CSMD1: variants seen among roughly 807,000 people sequenced by gnomAD.
The protein encoded by CSMD1 is CUB and sushi domain-containing protein 1.
Under a neutral mutation model 417.5 loss-of-function variants are expected in CSMD1, and 213 were observed. The ratio of observed to expected loss-of-function variants is 0.51; its 90% CI spans 0.46 to 0.57. CSMD1 has a LOEUF of 0.57. Among genes scored for constraint, CSMD1 ranks in the 20% least tolerant of loss-of-function variants. The probability of loss-of-function intolerance (pLI) is 0.00; values close to 1 mark genes in which losing one functional copy is unlikely to be tolerated. For synonymous variants in CSMD1, 2,862 were observed against 1,736.8 expected, an observed-to-expected ratio of 1.65 and a Z score of -16.11; for missense variants, 6,923 against 4,529.7, an observed-to-expected ratio of 1.53 and a Z score of -15.17.
chr8:4,612,385 C>G (rs1027497877), intron 2 of CSMD1, among the ~76,000 whole-genome samples: 1 of 152,058 alleles, frequency 6.6e-6, no homozygotes, highest in East Asian at 1.9e-4. Flanking sequence ...TCCAATCGTA[C>G]AAGTCTACAC....
intron 3 of CSMD1, among the ~76,000 whole-genome samples, chr8:4,048,845 T>A (rs750257768): frequency 6.6e-6 from 1 of 152,240 alleles, no homozygotes; most frequent in Non-Finnish European, 1.5e-5. Flanking sequence ...CTTAGAAGCC[T>A]GTGTTCAATA....
At chr8:4,233,205 T>G (rs1224884690) in intron 3 of CSMD1, among the ~76,000 whole-genome samples, 1 of 152,192 alleles carries the variant, frequency 6.6e-6, no homozygotes, top group Admixed American at 6.5e-5. Context: ...ATCATTTTCT[T>G]CAATTTTTTC....
In CSMD1 at chr8:3,763,672, G is replaced by C. The variant is rs1290078047; in HGVS notation, c.819-9630C>G. Among the ~76,000 whole-genome samples, 3 of 152,224 alleles carry C rather than the reference G, an allele frequency of 2.0e-5. 1 individual carries two copies. The South Asian group carries it at 6.2e-4, about 32-fold the overall frequency. ...CCTATATAGCACTGCAAAACACACT[G>C]ACACAAGTGCCTTTGTGGCTAAACA... On this transcript the variant is annotated intron_variant, in intron 5 of 69. Transcript: ENST00000635120.
intron 5 of CSMD1, among the ~76,000 whole-genome samples, chr8:3,927,963 T>C (rs1809865083): frequency 6.6e-6 from 1 of 152,180 alleles, no homozygotes. Context: ...CTTAAGTTCA[T>C]TTAACATAAT....
intron 21 of CSMD1, among the ~76,000 whole-genome samples, chr8:3,349,661 A>T (rs1320110098): frequency 1.3e-5 from 2 of 150,766 alleles, no homozygotes; most frequent in African/African-American, 4.9e-5. Context: ...GTATAATTAT[A>T]ATTCTGTAAA....
chr8:4,918,849 T>C (rs1196933700), intron 1 of CSMD1, among the ~76,000 whole-genome samples: 1 of 152,210 alleles, frequency 6.6e-6, no homozygotes, highest in Non-Finnish European at 1.5e-5. Flanking sequence ...ATATTGTTCA[T>C]ATAATCACCA....
intron 3 of CSMD1, among the ~76,000 whole-genome samples, chr8:4,249,243 A>G (rs1802901101): frequency 1.3e-5 from 2 of 152,218 alleles, no homozygotes; most frequent in Non-Finnish European, 1.5e-5. Flanking sequence ...AGAAAAGGGC[A>G]AACATTTCTC....
intron 6 of CSMD1, among the ~76,000 whole-genome samples, chr8:3,751,559 C>T (rs778811696): frequency 3.4e-4 from 51 of 149,946 alleles, no homozygotes; most frequent in Non-Finnish European, 5.8e-4. Context: ...GTATAACGTA[C>T]GTACAGTTTA....
intron 2 of CSMD1, among the ~76,000 whole-genome samples, chr8:4,464,148 C>T (rs566509951): frequency 1.3e-5 from 2 of 152,126 alleles, no homozygotes; most frequent in Admixed American, 1.3e-4. Flanking sequence ...ATCCCTCCAG[C>T]TGGAATTCTA....
At chr8:4,100,754 A>T (rs1255428622) in intron 3 of CSMD1, among the ~76,000 whole-genome samples, 2 of 152,210 alleles carry the variant, frequency 1.3e-5, no homozygotes, top group African/African-American at 4.8e-5. Flanking sequence ...GCAGGGGACT[A>T]CATAAATGAA....
chr8:4,009,523 T>A (rs1387252791), intron 4 of CSMD1, among the ~76,000 whole-genome samples: 1 of 152,256 alleles, frequency 6.6e-6, no homozygotes, highest in African/African-American at 2.4e-5. Context: ...ATTCCTTCAG[T>A]GAATTTCTAA....
chr8:4,992,308 A>T (rs562486243), intron 1 of CSMD1, among the ~76,000 whole-genome samples: 1 of 152,228 alleles, frequency 6.6e-6, no homozygotes, highest in South Asian at 2.1e-4. Flanking sequence ...ACGTGTGCGG[A>T]TTATTAAGCA....
chr8:3,845,381 G>T (rs1170309873), intron 5 of CSMD1, among the ~76,000 whole-genome samples: 1 of 152,140 alleles, frequency 6.6e-6, no homozygotes, highest in Non-Finnish European at 1.5e-5. Flanking sequence ...GCATGGGACT[G>T]CCCTGAATAC....
intron 26 of CSMD1, among the ~76,000 whole-genome samples, chr8:3,246,730 C>T (rs996501461): frequency 6.6e-6 from 1 of 152,204 alleles, no homozygotes; most frequent in Non-Finnish European, 1.5e-5. Context: ...GCCTTGGCAT[C>T]CCAAAGTGCT....
chr8:3,679,665 G>C (rs1004782713), intron 7 of CSMD1, among the ~76,000 whole-genome samples: 20 of 152,014 alleles, frequency 1.3e-4, no homozygotes, highest in South Asian at 6.2e-4. Flanking sequence ...GAATTGAACT[G>C]AGCTCTGCAC....
intron 5 of CSMD1, among the ~76,000 whole-genome samples, chr8:3,992,669 T>C (rs1008464537): frequency 2.0e-5 from 3 of 152,082 alleles, no homozygotes; most frequent in Admixed American, 6.5e-5. Flanking sequence ...TAGTCCCAGA[T>C]ACAAGGAATG....
In CSMD1 at chr8:3,108,960, G is replaced by A. The variant is rs1031678555; in HGVS notation, c.6609-212C>T. The stretch of plus-strand genomic sequence containing the variant: ...TTTCATTAATGTTCCACAGGCACTC[G>A]GCACTTGTCAAATGTCAACACTCAC... On this transcript the variant is annotated intron_variant, in intron 43 of 69. Transcript: ENST00000635120. Among the ~76,000 whole-genome samples the A allele has an allele frequency of 7.2e-5, 11 of 152,138 alleles. 1 individual carries two copies. The highest frequency in any genetic ancestry group is 4.6e-4 in the Admixed American group (7 of 15,266).
intron 5 of CSMD1, among the ~76,000 whole-genome samples, chr8:3,764,804 G>A (rs767878606): frequency 1.3e-5 from 2 of 150,218 alleles, no homozygotes; most frequent in East Asian, 2.0e-4. Flanking sequence ...TGGAGTGCAG[G>A]GGCACCATCT....
At chr8:4,617,804 T>G (rs950429782) in intron 2 of CSMD1, among the ~76,000 whole-genome samples, 2 of 152,078 alleles carry the variant, frequency 1.3e-5, no homozygotes, top group African/African-American at 4.8e-5. Context: ...TATGTTAAAT[T>G]TTTTATCTCC....
Sources: gnomAD v4.1 joint callset for allele counts (sites outside exome capture counted in the v4.1 genomes callset) on GRCh38, gnomAD v4.1.1 for gene constraint, MANE v1.5 for transcripts, NCBI Gene and HGNC (gene_info 2026-07-23, HGNC 2026-07-21) for gene names.